The following KCNH1 variants were observed in gnomAD, a reference collection of about 807,000 sequenced individuals.
KCNH1 encodes voltage-gated delayed rectifier potassium channel KCNH1.
In KCNH1, 27 loss-of-function variants were observed where a neutral mutation model predicts 69.2. The ratio of observed to expected loss-of-function variants is 0.39; its 90% CI spans 0.29 to 0.54. The LOEUF (loss-of-function observed/expected upper bound fraction) is 0.54. Ranked by LOEUF, KCNH1 falls within the 20% of genes least tolerant of loss-of-function variation. The pLI, the probability that KCNH1 is intolerant of heterozygous loss-of-function variation, is 0.68. For missense variants in KCNH1, 798 were observed against 1,261.6 expected (o/e 0.63, Z 5.57); for synonymous variants, 456 against 487.7 (o/e 0.93, Z 0.86).
chr1:210,858,836 G>T, intron 7 of KCNH1: 1 of 210,432 alleles, frequency 4.8e-6, no homozygotes, highest in South Asian at 1.0e-4. Flanking sequence ...CTCAGAAAAA[G>T]AAAAGCTGCC....
At chr1:210,733,170 TCTTA>T (rs1417562854) in intron 10 of KCNH1, among the ~76,000 whole-genome samples, 3 of 152,212 alleles carry the variant, frequency 2.0e-5, no homozygotes, top group African/African-American at 2.4e-5. Context: ...TTTTTTTCTT[TCTTA>T]CTTCAAGTTC....
chr1:210,710,384 A>G (rs1682041516), intron 10 of KCNH1, among the ~76,000 whole-genome samples: 1 of 151,914 alleles, frequency 6.6e-6, no homozygotes, highest in African/African-American at 2.4e-5. Flanking sequence ...CATACAGGGA[A>G]GTAGAAATGG....
chr1:210,860,296 G>A (rs1685949704), intron 7 of KCNH1: 1 of 1,354,582 alleles, frequency 7.4e-7, no homozygotes. Context: ...TTGTTGACAT[G>A]TCAGGCTATG....
intron 10 of KCNH1, among the ~76,000 whole-genome samples, chr1:210,707,932 A>G (rs1681953645): frequency 1.3e-5 from 2 of 152,160 alleles, no homozygotes; most frequent in East Asian, 1.9e-4. Flanking sequence ...TTTTTTGTCT[A>G]CCACTCACTC....
rs1238062658 is a variant in KCNH1, at chr1:210,804,172, G to A, written c.1463-6C>T. Reference sequence around the variant, plus strand: ...GATGGTGGCATAGAGAAGTGCTAGAGGTGAGGAGGAGGAGCAAAAGAAGAA... The same window carrying A: ...GATGGTGGCATAGAGAAGTGCTAGAAGTGAGGAGGAGGAGCAAAAGAAGAA... On this transcript the variant is annotated splice_polypyrimidine_tract_variant and splice_region_variant and intron_variant, in intron 7 of 10. Coordinates refer to ENST00000271751, the MANE Select transcript of KCNH1 (RefSeq NM_172362.3). The A allele has an allele frequency of 1.2e-6, 2 of 1,606,072 alleles. No individual in the cohort carries two copies. The highest frequency in any genetic ancestry group is 1.7e-6 in the Non-Finnish European group (2 of 1,175,616).
chr1:210,687,380 C>T (rs1418198576), intron 10 of KCNH1, among the ~76,000 whole-genome samples: 3 of 152,204 alleles, frequency 2.0e-5, no homozygotes, highest in Non-Finnish European at 4.4e-5. Context: ...AGTTCAGACA[C>T]TCAATGACAG....
At chr1:211,119,122 A>G (rs940858399) in intron 1 of KCNH1, among the ~76,000 whole-genome samples, 4 of 152,222 alleles carry the variant, frequency 2.6e-5, no homozygotes, top group African/African-American at 9.7e-5. Context: ...GCACTTTGGG[A>G]GGCCGAGGCA....
rs182640172 is a variant in KCNH1 at position 210,999,913 on chromosome 1, C to A, written c.1032+18870G>T. On this transcript the variant is annotated intron_variant, in intron 6 of 10. Transcript: ENST00000271751. ...ATATAAACAGAACCAAAGACAAAAA[C>A]CACATGATTATCTCAATAGATGCAG... is the stretch of plus-strand genomic sequence containing the variant. 1.8e-3 allele frequency among the ~76,000 whole-genome samples: 268 copies of A among 152,254 alleles called. 1 individual carries two copies. The highest frequency in any genetic ancestry group is 6.2e-3 in the African/African-American group (258 of 41,530).
At chr1:211,013,614 C>T (rs535922353) in intron 6 of KCNH1, among the ~76,000 whole-genome samples, 94 of 152,310 alleles carry the variant, frequency 6.2e-4, no homozygotes, top group Non-Finnish European at 1.1e-3. Context: ...AGACTAGAGT[C>T]CGGTTTCACT....
intron 6 of KCNH1, among the ~76,000 whole-genome samples, chr1:210,969,072 T>C (rs1688465012): frequency 6.6e-6 from 1 of 152,130 alleles, no homozygotes; most frequent in Admixed American, 6.6e-5. Context: ...ATCAGATTTA[T>C]AAATTTTCTA....
At chr1:210,973,468 T>C (rs1419493079) in intron 6 of KCNH1, among the ~76,000 whole-genome samples, 5 of 152,136 alleles carry the variant, frequency 3.3e-5, no homozygotes, top group Admixed American at 3.3e-4. Context: ...CCCATCCATA[T>C]AGCTATCCTT....
chr1:210,856,197 G>A (rs755128699), intron 7 of KCNH1, among the ~76,000 whole-genome samples: 1 of 152,102 alleles, frequency 6.6e-6, no homozygotes, highest in East Asian at 1.9e-4. Flanking sequence ...GAACTCATTC[G>A]TAACGTAAGT....
At chr1:210,938,050 T>A (rs958200351) in intron 6 of KCNH1, among the ~76,000 whole-genome samples, 2 of 152,216 alleles carry the variant, frequency 1.3e-5, no homozygotes, top group Non-Finnish European at 2.9e-5. Flanking sequence ...GAATGACCCT[T>A]GGTCATGTCA....
chr1:210,984,393 T>C (rs960844862), intron 6 of KCNH1, among the ~76,000 whole-genome samples: 3 of 152,222 alleles, frequency 2.0e-5, no homozygotes, highest in African/African-American at 7.2e-5. Context: ...CCATTCAGTA[T>C]GATATTGGCT....
At chr1:210,709,987 G>A (rs1227069996) in intron 10 of KCNH1, among the ~76,000 whole-genome samples, 1 of 152,202 alleles carries the variant, frequency 6.6e-6, no homozygotes, top group Non-Finnish European at 1.5e-5. Flanking sequence ...TTAACAACAG[G>A]AATACATTCT....
At position 211,095,168 on chromosome 1, in the gene KCNH1, C is replaced by G. The variant is rs12568676; in HGVS notation, c.311-4478G>C. Among the ~76,000 whole-genome samples the G allele has an allele frequency of 6.1e-4, 93 of 152,288 alleles. No homozygotes were observed. In the East Asian group the frequency reaches 0.017, roughly 28 times the overall value. ...AAATGCAAATATTCATATACATACA[C>G]AGAAAATCAGGAAGAAGTTAAATTT... On this transcript the variant is annotated intron_variant, in intron 3 of 10. Coordinates refer to ENST00000271751, the MANE Select transcript of KCNH1 (RefSeq NM_172362.3).
chr1:210,892,346 C>G lies in KCNH1; in HGVS notation c.1462+27294G>C, dbSNP rs890715124. ...CTTCTTCCAGGTTTAGTCTTTCCCCCTTTTCTGCCTGAAGAAATGCCAGTT... is the reference window on the plus strand; with the variant it reads ...CTTCTTCCAGGTTTAGTCTTTCCCCGTTTTCTGCCTGAAGAAATGCCAGTT... On this transcript the variant is annotated intron_variant, in intron 7 of 10. Coordinates refer to ENST00000271751, the MANE Select transcript of KCNH1 (RefSeq NM_172362.3). Among the ~76,000 whole-genome samples, 4 of 152,082 alleles carry G rather than the reference C, an allele frequency of 2.6e-5. No individual in the cohort carries two copies. In the East Asian group the frequency reaches 5.8e-4, roughly 22 times the overall value.
chr1:210,775,135 C>T (rs764243373), intron 10 of KCNH1, among the ~76,000 whole-genome samples: 1 of 152,156 alleles, frequency 6.6e-6, no homozygotes, highest in Non-Finnish European at 1.5e-5. Context: ...TAAATCCCTT[C>T]TGCACCAAAA....
chr1:210,947,971 G>C (rs1687990295), intron 6 of KCNH1, among the ~76,000 whole-genome samples: 1 of 151,794 alleles, frequency 6.6e-6, no homozygotes, highest in African/African-American at 2.4e-5. Context: ...CTTTGGGGTA[G>C]GGGTTGGGGG....
Sources: gnomAD v4.1 joint callset for allele counts (sites outside exome capture counted in the v4.1 genomes callset) on GRCh38, gnomAD v4.1.1 for gene constraint, MANE v1.5 for transcripts, NCBI Gene and HGNC (gene_info 2026-07-23, HGNC 2026-07-21) for gene names.